The following LINC00305 variants were observed in gnomAD, a reference collection of about 807,000 sequenced individuals.
LINC00305 encodes the protein long intergenic non-protein coding RNA 305.
intron 3 of LINC00305, among the ~76,000 whole-genome samples, chr18:64,083,654 T>C (rs1355397417): frequency 6.6e-6 from 1 of 152,210 alleles, no homozygotes; most frequent in Non-Finnish European, 1.5e-5. Flanking sequence ...CACGGGCCCC[T>C]TTTAATGCCC....
chr18:64,144,062 T>C (rs774567405), intron 1 of LINC00305, among the ~76,000 whole-genome samples: 22 of 152,208 alleles, frequency 1.4e-4, no homozygotes, highest in Non-Finnish European at 3.1e-4. Context: ...TTTGCCTCTT[T>C]ATCAAATTCT....
At chr18:64,088,809 G>A (rs528072177) in intron 3 of LINC00305, among the ~76,000 whole-genome samples, 5 of 152,146 alleles carry the variant, frequency 3.3e-5, no homozygotes, top group Non-Finnish European at 7.3e-5. Flanking sequence ...CAGAGCCTGT[G>A]CCAGCTATAA....
intron 3 of LINC00305, among the ~76,000 whole-genome samples, chr18:64,082,880 T>C (rs2051190276): frequency 6.6e-6 from 1 of 152,138 alleles, no homozygotes; most frequent in Non-Finnish European, 1.5e-5. Flanking sequence ...TTTTAATCTT[T>C]CTTCTTTTAA....
At chr18:64,131,980 C>A (rs1040536920) in intron 1 of LINC00305, among the ~76,000 whole-genome samples, 3 of 152,136 alleles carry the variant, frequency 2.0e-5, no homozygotes, top group Admixed American at 6.6e-5. Context: ...GCTTCTTTGT[C>A]CCCTGGATTC....
At chr18:64,142,204 G>A (rs943188481) in intron 1 of LINC00305, among the ~76,000 whole-genome samples, 1 of 151,068 alleles carries the variant, frequency 6.6e-6, no homozygotes, top group Non-Finnish European at 1.5e-5. Flanking sequence ...ACTGGAAGAA[G>A]AGAATGTAGT....
intron 3 of LINC00305, among the ~76,000 whole-genome samples, chr18:64,084,067 A>C (rs1351632854): frequency 6.6e-6 from 1 of 152,086 alleles, no homozygotes; most frequent in East Asian, 1.9e-4. Context: ...CCCACAGAAA[A>C]CACACTCTCC....
chr18:64,122,550 A>G (rs1370766137), intron 1 of LINC00305, among the ~76,000 whole-genome samples: 1 of 152,020 alleles, frequency 6.6e-6, no homozygotes, highest in African/African-American at 2.4e-5. Flanking sequence ...CTATGTGTCT[A>G]TTTTTATACC....
intron 1 of LINC00305, among the ~76,000 whole-genome samples, chr18:64,101,965 A>G (rs1599211459): frequency 6.6e-6 from 1 of 152,204 alleles, no homozygotes; most frequent in South Asian, 2.1e-4. Context: ...TTTATAGTGC[A>G]AAATAGATTC....
intron 1 of LINC00305, among the ~76,000 whole-genome samples, chr18:64,134,917 A>G (rs1188052272): frequency 6.6e-6 from 1 of 152,206 alleles, no homozygotes; most frequent in East Asian, 1.9e-4. Context: ...CTTGTCATGA[A>G]GGAGTTAACA....
At chr18:64,113,177 G>A (rs766805519) in intron 1 of LINC00305, among the ~76,000 whole-genome samples, 8 of 152,328 alleles carry the variant, frequency 5.3e-5, no homozygotes, top group South Asian at 2.1e-4. Context: ...CATCACAAGC[G>A]TGGGCTACAG....
chr18:64,143,566 A>ATATGTACATATG (rs1356163768), intron 1 of LINC00305, among the ~76,000 whole-genome samples: 11,908 of 34,784 alleles, frequency 0.34, 1,183 homozygotes, highest in Middle Eastern at 0.47. Context: ...GTGTACATAT[A>ATATGTACATATG]TACACATATG....
chr18:64,094,209 A>C (rs1464006431), intron 3 of LINC00305, among the ~76,000 whole-genome samples: 1 of 152,234 alleles, frequency 6.6e-6, no homozygotes, highest in Non-Finnish European at 1.5e-5. Flanking sequence ...AGAGTCAATC[A>C]TCTGAGAGAA....
chr18:64,107,123 T>C (rs942689769), intron 1 of LINC00305, among the ~76,000 whole-genome samples: 1 of 152,218 alleles, frequency 6.6e-6, no homozygotes, highest in Non-Finnish European at 1.5e-5. Context: ...TGGAGCCCCA[T>C]GGAGAAAAGA....
chr18:64,133,149 G>A (rs915283243), intron 1 of LINC00305, among the ~76,000 whole-genome samples: 20 of 152,166 alleles, frequency 1.3e-4, no homozygotes, highest in African/African-American at 4.1e-4. Flanking sequence ...TCAGAGGTTG[G>A]CACTGGTTGC....
At chr18:64,109,646 ATTAC>A (rs201952112) in intron 1 of LINC00305, among the ~76,000 whole-genome samples, 1,745 of 152,256 alleles carry the variant, frequency 0.011, 43 homozygotes, top group African/African-American at 0.04. Flanking sequence ...ATTTTTATCT[ATTAC>A]TTCATTAATC....
At chr18:64,083,064 A>G (rs2051190788) in intron 3 of LINC00305, among the ~76,000 whole-genome samples, 1 of 152,004 alleles carries the variant, frequency 6.6e-6, no homozygotes, top group African/African-American at 2.4e-5. Flanking sequence ...CTTGTCCTTA[A>G]TCTTATATTT....
intron 1 of LINC00305, among the ~76,000 whole-genome samples, chr18:64,120,294 T>C (rs1238057033): frequency 6.6e-6 from 1 of 152,060 alleles, no homozygotes; most frequent in Non-Finnish European, 1.5e-5. Context: ...TTTGTTAGTT[T>C]AAAGAGATTC....
At chr18:64,145,778 T>C (rs2051494839) in intron 1 of LINC00305, among the ~76,000 whole-genome samples, 1 of 152,164 alleles carries the variant, frequency 6.6e-6, no homozygotes, top group East Asian at 1.9e-4. Flanking sequence ...ACTTACAGCA[T>C]TGGAAGAAAA....
At chr18:64,134,955 C>T (rs1403078539) in intron 1 of LINC00305, among the ~76,000 whole-genome samples, 2 of 152,142 alleles carry the variant, frequency 1.3e-5, no homozygotes, top group East Asian at 3.9e-4. Context: ...TTTGCTTGAG[C>T]TGCTGTAATA....
Sources: gnomAD v4.1 joint callset for allele counts (sites outside exome capture counted in the v4.1 genomes callset) on GRCh38, gnomAD v4.1.1 for gene constraint, MANE v1.5 for transcripts, NCBI Gene and HGNC (gene_info 2026-07-23, HGNC 2026-07-21) for gene names.